PRRT4: variants seen among roughly 807,000 people sequenced by gnomAD.
PRRT4 encodes proline rich transmembrane protein 4, also known as proline-rich transmembrane protein 4.
PRRT4 carries 59 observed loss-of-function variants against 55.6 expected under a neutral mutation model. That is an observed-to-expected ratio of 1.06 (90% CI 0.86 to 1.32). PRRT4 has a LOEUF of 1.32. PRRT4 is among the 40% of genes most tolerant of loss of function. PRRT4 has a pLI of 0.00. For synonymous variants in PRRT4, 606 were observed against 601.8 expected (o/e 1.01, Z -0.10); for missense variants, 1,217 against 1,222.0 (o/e 1.00, Z 0.06).
chr7:128,361,746 C>A (rs1368510903), upstream of PRRT4: 1 of 152,882 alleles, frequency 6.5e-6, no homozygotes, highest in Admixed American at 6.5e-5. Flanking sequence ...TCCTCCTCCT[C>A]CTCCTCCTCC....
At chr7:128,361,101 T>TCACACACA (rs1318199009) in intron 1 of PRRT4, among the ~76,000 whole-genome samples, 4 of 118,246 alleles carry the variant, frequency 3.4e-5, no homozygotes, top group African/African-American at 1.1e-4. Flanking sequence ...TCTCTCTCTC[T>TCACACACA]CTCACACACA....
chr7:128,351,431 C>CCGGGGA, exon 5 of PRRT4: 3 of 1,527,238 alleles, frequency 2.0e-6, no homozygotes, highest in Non-Finnish European at 2.6e-6. Flanking sequence ...GGAGAGGAAG[C>CCGGGGA]CGGGGACGGG....
Position 128,351,199 on chromosome 7 carries a change from G to A in PRRT4, c.2357C>T (p.Pro786Leu), listed in dbSNP as rs1458080392. Residue 786 changes from proline to leucine, a missense_variant, in exon 5 of 5, where the codon CCC (proline) becomes CTC (leucine). By Grantham distance (98) the Pro-to-Leu change is moderately conservative. This residue lies in a region of PRRT4 where 642 missense variants were observed against 600.9 expected (regional missense o/e 1.07). Transcript: ENST00000535159. Reference sequence around the variant, plus strand: ...AGCCCCAGGGGAGGGGAGCTCCGGGGGCGCAGCGGGGCCAGAGGCCTCCCC... The same window carrying A: ...AGCCCCAGGGGAGGGGAGCTCCGGGAGCGCAGCGGGGCCAGAGGCCTCCCC... 4 of 1,541,504 alleles carry A rather than the reference G, an allele frequency of 2.6e-6. No individual in the cohort carries two copies. The highest frequency in any genetic ancestry group is 3.5e-6 in the Non-Finnish European group (4 of 1,146,466).
chr7:128,351,066 C>T, exon 5 of PRRT4: 1 of 1,549,158 alleles, frequency 6.5e-7, no homozygotes, highest in Non-Finnish European at 8.7e-7. Flanking sequence ...GGACGCAGAC[C>T]AGAGGGCAGC....
At chr7:128,350,657 G>A (rs1316874902), downstream of PRRT4, 4 of 795,812 alleles carry the variant, frequency 5.0e-6, no homozygotes, top group East Asian at 5.5e-5. Context: ...CAGCACCCAG[G>A]GCTCCAGAGA....
intron 4 of PRRT4, among the ~76,000 whole-genome samples, chr7:128,354,563 CAA>C (rs66484726): frequency 0.55 from 80,601 of 147,158 alleles, 23,531 homozygotes; most frequent in Middle Eastern, 0.74. Context: ...GACTCTGGCT[CAA>C]AAAAAACACA....
At chr7:128,350,756 C>T, downstream of PRRT4, 2 of 1,484,336 alleles carry the variant, frequency 1.3e-6, no homozygotes, top group African/African-American at 1.4e-5. Flanking sequence ...GGAGAGGTAT[C>T]TGAGCCAGGG....
intron 1 of PRRT4, among the ~76,000 whole-genome samples, 199 bp downstream of exon 2, chr7:128,361,091 TCTCTCTCTCTCTCACA>T (rs1205586248): frequency 4.2e-4 from 57 of 134,528 alleles, no homozygotes; most frequent in African/African-American, 1.7e-3. Flanking sequence ...TCTCTCTCTC[TCTCTCTCTCTCTCACA>T]CACACACACA....
chr7:128,352,052 GC>G lies in PRRT4; in HGVS notation c.1503del (p.His502ThrfsTer69). 1 of 1,246,608 alleles carries G rather than the reference GC, an allele frequency of 8.0e-7. No homozygotes were observed. The highest frequency in any genetic ancestry group is 2.7e-5 in the South Asian group (1 of 36,684). The allele number at this position is 1,246,608 out of a possible 1,614,324, so 77.2% of individuals were successfully genotyped here. A position where few individuals can be genotyped will look rare whatever the true frequency, so the allele number is the denominator to read the frequency against. The stretch of plus-strand genomic sequence containing the variant: ...GAAAGGAAAGCGGCGAGAAAGGCGT[GC>G]AGCCCGCGCGAGGCGAGCCGCAGGG... On this transcript the variant is annotated frameshift_variant, in exon 5 of 5. Transcript: ENST00000535159. LOFTEE classifies it high-confidence loss of function.
exon 5 of PRRT4, chr7:128,351,873 G>GGCCGTGCGC (rs1384541703): frequency 9.0e-6 from 12 of 1,332,490 alleles, no homozygotes; most frequent in Non-Finnish European, 1.1e-5. Flanking sequence ...CCGCCACCGG[G>GGCCGTGCGC]GCCGTGCGCG....
intron 4 of PRRT4, among the ~76,000 whole-genome samples, chr7:128,356,121 T>C (rs142677918): frequency 0.027 from 4,082 of 152,176 alleles, 81 homozygotes; most frequent in South Asian, 0.066. Context: ...TAGCTGGGCA[T>C]GGTGGCAGAC....
exon 5 of PRRT4, chr7:128,351,409 T>A: frequency 6.5e-7 from 1 of 1,538,608 alleles, no homozygotes; most frequent in Non-Finnish European, 8.8e-7. Context: ...GTCCACGGTG[T>A]AATCGCTGCA....
rs549239250 is a variant in PRRT4 at position 128,361,538 on chromosome 7, G to A, written c.-73+23C>T. ...CTGCCCCTGAGCCGCCCCCGGCCCAGCCCCGGCCCGCAGCGCTCTCACCAG... is the reference window on the plus strand; with the variant it reads ...CTGCCCCTGAGCCGCCCCCGGCCCAACCCCGGCCCGCAGCGCTCTCACCAG... On this transcript the variant is annotated intron_variant, in intron 1 of 4. Transcript: ENST00000535159. 177 of 153,006 alleles carry A rather than the reference G, an allele frequency of 1.2e-3. 3 individuals carry two copies. The East Asian group carries it at 0.027, about 24-fold the overall frequency. The allele number at this position is 153,006 out of a possible 1,614,324, so 9.5% of individuals were successfully genotyped here.
At chr7:128,352,670 C>T (rs1263959848) in exon 5 of PRRT4, 1 of 1,522,496 alleles carries the variant, frequency 6.6e-7, no homozygotes, top group South Asian at 1.2e-5. Flanking sequence ...GAGATGGGGA[C>T]TGTGGGGTCT....
chr7:128,350,755 T>C, downstream of PRRT4: 1 of 1,482,618 alleles, frequency 6.7e-7, no homozygotes. Context: ...TGGAGAGGTA[T>C]CTGAGCCAGG....
rs1797165431 is a variant in PRRT4, at chr7:128,358,630, T to C, written c.877+51A>G. 139 of 1,479,114 alleles carry C rather than the reference T, an allele frequency of 9.4e-5. 1 individual carries two copies. The South Asian group carries it at 1.6e-3, about 17-fold the overall frequency. 91.6% of individuals were successfully genotyped at this position (1,479,114 alleles called of 1,614,324 possible). On this transcript the variant is annotated intron_variant, in intron 4 of 4. Transcript: ENST00000535159. This position sits in a 1 kb window ranked among gnomAD's most constrained non-coding sequence, Gnocchi z 4.4. ...AGAACACTGATGAGTGACTAGCATG[T>C]AGTAAGTGCTCAATAAATAATTGTC...
intron 4 of PRRT4, among the ~76,000 whole-genome samples, chr7:128,353,177 G>A (rs1443327948): frequency 1.3e-5 from 2 of 151,988 alleles, no homozygotes; most frequent in African/African-American, 2.4e-5. Flanking sequence ...CTGTACTGCC[G>A]GATGCAGATA....
exon 2 of PRRT4, chr7:128,359,382 G>A (rs530646852): frequency 2.5e-5 from 36 of 1,467,510 alleles, no homozygotes; most frequent in Middle Eastern, 1.8e-4. Context: ...AGGCTGGCCC[G>A]CAGGCTGGGC....
chr7:128,360,410 T>C (rs566974740), intron 1 of PRRT4, among the ~76,000 whole-genome samples: 2 of 152,288 alleles, frequency 1.3e-5, no homozygotes, highest in Non-Finnish European at 2.9e-5. Context: ...CTCAAGTCTT[T>C]ACGCAGGCTT....
Sources: gnomAD v4.1 joint callset for allele counts (sites outside exome capture counted in the v4.1 genomes callset) on GRCh38, gnomAD v4.1.1 for gene constraint, gnomAD v4.1.1 regional missense constraint, Gnocchi (gnomAD v3.1) non-coding constraint, MANE v1.5 for transcripts, NCBI Gene and HGNC (gene_info 2026-07-23, HGNC 2026-07-21) for gene names.